The following MAP4 variants were observed in gnomAD, a reference collection of about 807,000 sequenced individuals.
The protein encoded by MAP4 is microtubule associated protein 4, also known as microtubule-associated protein 4.
In MAP4, 76 loss-of-function variants were observed where a neutral mutation model predicts 170.2. The ratio of observed to expected loss-of-function variants is 0.45; its 90% confidence interval spans 0.37 to 0.54. The LOEUF is 0.54. Ranked by LOEUF, MAP4 falls within the 20% of genes least tolerant of loss-of-function variation. The pLI is 0.00. For missense variants in MAP4, 2,506 were observed against 2,748.0 expected (o/e 0.91, Z 1.97); for synonymous variants, 909 against 994.5 (o/e 0.91, Z 1.62).
chr3:47,943,975 C>A (rs2100058113), intron 3 of MAP4, among the ~76,000 whole-genome samples: 1 of 151,980 alleles, frequency 6.6e-6, no homozygotes, highest in Admixed American at 6.6e-5. Context: ...ACTGAATGTA[C>A]TTGTTCCTAT....
intron 10 of MAP4, among the ~76,000 whole-genome samples, chr3:47,878,311 G>C (rs1028239650): frequency 6.6e-6 from 1 of 152,052 alleles, no homozygotes; most frequent in Non-Finnish European, 1.5e-5. Context: ...TATAATAAAA[G>C]TCAAAAGGCA....
Position 47,869,165 on chromosome 3 carries a change from A to G in MAP4, c.6408+49T>C, listed in dbSNP as rs1478823820. The G allele has an allele frequency of 4.3e-6, 6 of 1,383,360 alleles. No individual in the cohort carries two copies. The South Asian group carries it at 6.9e-5, about 16-fold the overall frequency. 85.7% of individuals were successfully genotyped at this position (1,383,360 alleles called of 1,614,324 possible). On this transcript the variant is annotated intron_variant, in intron 16 of 20. Transcript: ENST00000683076. ...AGGGCATGTGGCTCAGGCTGGAAGA[A>G]GTATTTTACCATCTTCACCTTGCAG...
intron 1 of MAP4, among the ~76,000 whole-genome samples, chr3:48,034,489 G>A (rs1356051240): frequency 2.6e-5 from 4 of 151,960 alleles, no homozygotes; most frequent in Admixed American, 6.6e-5. Flanking sequence ...AATTACTTGA[G>A]GTCAGGAGTT....
chr3:47,859,474 C>T (rs2062162342), intron 17 of MAP4, among the ~76,000 whole-genome samples: 1 of 152,236 alleles, frequency 6.6e-6, no homozygotes. Flanking sequence ...CCACAATCCC[C>T]AGCTTGCCAG....
At chr3:47,984,358 T>C (rs889697775) in intron 2 of MAP4, among the ~76,000 whole-genome samples, 31 of 152,198 alleles carry the variant, frequency 2.0e-4, no homozygotes, top group African/African-American at 7.2e-4. Flanking sequence ...AAATGTGACT[T>C]TCATATAAGA....
chr3:48,064,358 C>G (rs148818439), intron 1 of MAP4, among the ~76,000 whole-genome samples: 8 of 152,232 alleles, frequency 5.3e-5, no homozygotes, highest in Middle Eastern at 3.4e-3. Context: ...CACCCAGGAA[C>G]TGACTCAGCA....
chr3:48,037,956 C>T (rs535078014), intron 1 of MAP4, among the ~76,000 whole-genome samples: 4 of 152,088 alleles, frequency 2.6e-5, no homozygotes, highest in Admixed American at 2.6e-4. Flanking sequence ...CACCTGAGGT[C>T]AGGAGTTTGA....
intron 15 of MAP4, among the ~76,000 whole-genome samples, chr3:47,870,577 C>T (rs550468028): frequency 6.6e-6 from 1 of 152,318 alleles, no homozygotes; most frequent in Admixed American, 6.5e-5. Flanking sequence ...CAGACCCCAA[C>T]ATCTAGAACA....
chr3:47,910,534 A>G lies in MAP4; in HGVS notation c.3887T>C (p.Val1296Ala), dbSNP rs900618142. The change falls in exon 9 of 21, where the codon GTT becomes GCT. Residue 1296 changes from valine (V) to alanine (A), a missense_variant. By Grantham distance (64) the Val-to-Ala change is moderately conservative (BLOSUM62 0). Coordinates refer to ENST00000683076, the MANE Select transcript of MAP4 (RefSeq NM_001385682.1). Reference sequence around the variant, plus strand: ...GTTTTCCCCAAGAGTCCCAAGCTCAACAAAATTAACCTGAAAATTTCCACC... The same window carrying G: ...GTTTTCCCCAAGAGTCCCAAGCTCAGCAAAATTAACCTGAAAATTTCCACC... ...RKGGNFQVNFVELGTLGENKI... is the reference protein window; with the variant it reads ...RKGGNFQVNFAELGTLGENKI... 4 of 1,536,016 alleles carry G rather than the reference A, an allele frequency of 2.6e-6. No individual in the cohort carries two copies. Among genetic ancestry groups the G allele is most frequent in the African/African-American group, 2.7e-5 (2 of 73,050 alleles).
At chr3:47,985,893 T>C (rs1406842970) in intron 2 of MAP4, among the ~76,000 whole-genome samples, 1 of 152,236 alleles carries the variant, frequency 6.6e-6, no homozygotes. Flanking sequence ...GAATATCTCA[T>C]CAGCATTTAA....
intron 1 of MAP4, among the ~76,000 whole-genome samples, chr3:48,058,324 TA>T (rs1484426628): frequency 2.0e-5 from 3 of 152,210 alleles, no homozygotes; most frequent in Non-Finnish European, 4.4e-5. Flanking sequence ...CTGCGAGGCT[TA>T]AAAAGTACCA....
intron 2 of MAP4, among the ~76,000 whole-genome samples, chr3:47,981,196 T>TA (rs1483814009): frequency 6.6e-6 from 1 of 152,030 alleles, no homozygotes; most frequent in Non-Finnish European, 1.5e-5. Flanking sequence ...TAGTACACAG[T>TA]AATAAAAGAA....
chr3:48,004,840 C>T lies in MAP4; in HGVS notation c.-19-5961G>A, dbSNP rs574604931. Among the ~76,000 whole-genome samples, 59 of 152,186 alleles carry T rather than the reference C, an allele frequency of 3.9e-4. 1 individual carries two copies. Among genetic ancestry groups the T allele is most frequent in the African/African-American group, 1.4e-3 (58 of 41,498 alleles). On this transcript the variant is annotated intron_variant, in intron 1 of 20. Transcript: ENST00000683076. ...TCCCCCATAGTGGCAGCATAACCCC[C>T]CATCCCCGCCATCAACCTTTCCATC... is the stretch of plus-strand genomic sequence containing the variant.
At chr3:47,957,819 G>C (rs2100068742) in intron 3 of MAP4, among the ~76,000 whole-genome samples, 1 of 152,116 alleles carries the variant, frequency 6.6e-6, no homozygotes, top group Non-Finnish European at 1.5e-5. Flanking sequence ...TTCAATCAGA[G>C]ACACCTTACA....
At chr3:47,959,053 A>G (rs1408689379) in intron 3 of MAP4, among the ~76,000 whole-genome samples, 1 of 152,148 alleles carries the variant, frequency 6.6e-6, no homozygotes, top group African/African-American at 2.4e-5. Context: ...CCACATGAAA[A>G]TCTTTAAAGC....
intron 1 of MAP4, among the ~76,000 whole-genome samples, chr3:48,054,775 T>C (rs1579610006): frequency 1.4e-5 from 2 of 146,304 alleles, no homozygotes; most frequent in Admixed American, 6.9e-5. Flanking sequence ...ACCACTGCAC[T>C]CCAGCCTGGG....
At chr3:48,012,844 G>T (rs1308928895) in intron 1 of MAP4, among the ~76,000 whole-genome samples, 1 of 152,086 alleles carries the variant, frequency 6.6e-6, no homozygotes, top group African/African-American at 2.4e-5. Context: ...TTCATCAACA[G>T]TTAAGCTATT....
At chr3:47,905,791 C>G (rs1454598220) in intron 9 of MAP4, among the ~76,000 whole-genome samples, 1 of 151,718 alleles carries the variant, frequency 6.6e-6, no homozygotes, top group Non-Finnish European at 1.5e-5. Context: ...GTCAGGAGTT[C>G]AAGACCAGCC....
At chr3:48,034,780 AG>A (rs2100117939) in intron 1 of MAP4, among the ~76,000 whole-genome samples, 1 of 152,054 alleles carries the variant, frequency 6.6e-6, no homozygotes, top group Non-Finnish European at 1.5e-5. Context: ...TGTGAGGCTG[AG>A]GTGGGAGGAT....
Sources: gnomAD v4.1 joint callset for allele counts (sites outside exome capture counted in the v4.1 genomes callset) on GRCh38, gnomAD v4.1.1 for gene constraint, MANE v1.5 for transcripts, NCBI Gene and HGNC (gene_info 2026-07-23, HGNC 2026-07-21) for gene names.